The following FSHR variants were observed in gnomAD, a reference collection of about 807,000 sequenced individuals.
FSHR encodes the protein follicle stimulating hormone receptor, also known as follicle-stimulating hormone receptor.
Under a neutral mutation model 52.1 loss-of-function variants are expected in FSHR, and 46 were observed. The ratio of observed to expected loss-of-function variants is 0.88; its 90% CI spans 0.70 to 1.13. The LOEUF is 1.13. FSHR is among the 50% of genes most tolerant of loss of function. The pLI is 0.00. For synonymous variants in FSHR, 399 were observed against 309.6 expected (o/e 1.29, Z -3.03); for missense variants, 964 against 834.6 (o/e 1.16, Z -1.91).
intron 1 of FSHR, among the ~76,000 whole-genome samples, chr2:49,133,974 A>G (rs1672393897): frequency 6.6e-6 from 1 of 152,232 alleles, no homozygotes; most frequent in African/African-American, 2.4e-5. Context: ...CCTAGAAGGA[A>G]ACCTAGGCAA....
chr2:49,130,613 G>C (rs182947628), intron 1 of FSHR, among the ~76,000 whole-genome samples: 1 of 152,308 alleles, frequency 6.6e-6, no homozygotes, highest in Admixed American at 6.5e-5. Flanking sequence ...AACAGTTTCA[G>C]ACCTATGCTC....
Position 49,124,475 on chromosome 2 carries a change from C to A in FSHR, c.152+29791G>T, listed in dbSNP as rs114545686. Reference sequence around the variant, plus strand: ...TAAAGAGCTGTCTTTCCTAGTTTTACGCCTATCTCATGATCTTCATCCTCC... The same window carrying A: ...TAAAGAGCTGTCTTTCCTAGTTTTAAGCCTATCTCATGATCTTCATCCTCC... On this transcript the variant is annotated intron_variant, in intron 1 of 9. Coordinates refer to ENST00000406846, the MANE Select transcript of FSHR (RefSeq NM_000145.4). Among the ~76,000 whole-genome samples the A allele has an allele frequency of 1.6e-3, 237 of 152,144 alleles. 1 individual carries two copies. Among genetic ancestry groups the A allele is most frequent in the African/African-American group, 5.5e-3 (227 of 41,514 alleles).
chr2:49,079,025 A>G (rs72822018), intron 1 of FSHR, among the ~76,000 whole-genome samples: 8,020 of 152,242 alleles, frequency 0.053, 491 homozygotes, highest in East Asian at 0.22. Flanking sequence ...TAACCAGTCT[A>G]CGACATCACT....
intron 2 of FSHR, among the ~76,000 whole-genome samples, chr2:49,038,616 CT>C (rs1432642398): frequency 2.8e-5 from 3 of 108,756 alleles, no homozygotes; most frequent in South Asian, 3.1e-4. Flanking sequence ...CAGAGCAAGA[CT>C]CTGTCTCAAA....
At chr2:49,087,120 A>T in intron 1 of FSHR, among the ~76,000 whole-genome samples, 1 of 116,978 alleles carries the variant, frequency 8.5e-6, no homozygotes, top group African/African-American at 3.4e-5. Context: ...TCTATCCCAT[A>T]TCTCTCTCCT....
chr2:49,048,392 G>C (rs911991214), intron 2 of FSHR, among the ~76,000 whole-genome samples: 1 of 152,168 alleles, frequency 6.6e-6, no homozygotes, highest in Non-Finnish European at 1.5e-5. Flanking sequence ...TATCATTCCA[G>C]TGTGCCTAAC....
At chr2:49,148,143 C>T (rs116961554) in intron 1 of FSHR, among the ~76,000 whole-genome samples, 13 of 151,994 alleles carry the variant, frequency 8.6e-5, no homozygotes, top group East Asian at 3.9e-4. Context: ...TTCCTCTTTT[C>T]GATATTTTTG....
chr2:49,042,212 G>A (rs536807227), intron 2 of FSHR, among the ~76,000 whole-genome samples: 49 of 152,300 alleles, frequency 3.2e-4, no homozygotes, highest in Non-Finnish European at 5.3e-4. Flanking sequence ...GTCCAGAGAT[G>A]CTTTTGAAAA....
intron 1 of FSHR, among the ~76,000 whole-genome samples, chr2:49,112,452 T>G (rs1671456090): frequency 6.6e-6 from 1 of 152,198 alleles, no homozygotes; most frequent in Non-Finnish European, 1.5e-5. Flanking sequence ...TTTAACCATT[T>G]ACTGATAATT....
intron 2 of FSHR, among the ~76,000 whole-genome samples, chr2:49,045,557 AG>A (rs1668626901): frequency 1.3e-5 from 2 of 151,586 alleles, no homozygotes; most frequent in Non-Finnish European, 2.9e-5. Context: ...AGACAGAGGT[AG>A]GCAAAAACAA....
chr2:49,021,231 G>A (rs976186568), intron 2 of FSHR, among the ~76,000 whole-genome samples: 7 of 152,180 alleles, frequency 4.6e-5, no homozygotes, highest in Non-Finnish European at 1.0e-4. Flanking sequence ...AGATTCCTCA[G>A]GTCTCAGCGT....
At chr2:49,018,154 C>T (rs1330871484) in intron 3 of FSHR, among the ~76,000 whole-genome samples, 2 of 152,134 alleles carry the variant, frequency 1.3e-5, no homozygotes, top group African/African-American at 4.8e-5. Flanking sequence ...GCATGAAATC[C>T]AAGCATACAG....
chr2:49,129,535 C>T (rs988154763), intron 1 of FSHR, among the ~76,000 whole-genome samples: 1 of 152,124 alleles, frequency 6.6e-6, no homozygotes, highest in Non-Finnish European at 1.5e-5. Context: ...AGCAGCAGAT[C>T]CAGAGACAGA....
chr2:49,046,560 C>A (rs1014532958), intron 2 of FSHR, among the ~76,000 whole-genome samples: 1 of 152,118 alleles, frequency 6.6e-6, no homozygotes, highest in African/African-American at 2.4e-5. Context: ...CAGTTTCTGG[C>A]AAAATAATCA....
intron 2 of FSHR, among the ~76,000 whole-genome samples, chr2:49,041,454 G>C (rs1341827388): frequency 6.6e-6 from 1 of 152,178 alleles, no homozygotes; most frequent in Non-Finnish European, 1.5e-5. Context: ...AATGGAAATT[G>C]TAATTAGGAT....
At chr2:49,003,868 C>T (rs561719944) in intron 4 of FSHR, among the ~76,000 whole-genome samples, 2 of 151,962 alleles carry the variant, frequency 1.3e-5, no homozygotes, top group East Asian at 3.9e-4. Flanking sequence ...TGCCCACTGC[C>T]CTGCCCTGCC....
At chr2:49,092,148 AT>A (rs1375956186) in intron 1 of FSHR, among the ~76,000 whole-genome samples, 1 of 152,184 alleles carries the variant, frequency 6.6e-6, no homozygotes, top group African/African-American at 2.4e-5. Context: ...GTGATGTTAG[AT>A]TTTATTTTTG....
chr2:49,130,154 G>C (rs1003982750), intron 1 of FSHR, among the ~76,000 whole-genome samples: 1 of 152,170 alleles, frequency 6.6e-6, no homozygotes, highest in Non-Finnish European at 1.5e-5. Context: ...AGCTTTTTCT[G>C]AGAAAGAGGA....
chr2:49,103,603 G>A (rs756512548), intron 1 of FSHR, among the ~76,000 whole-genome samples: 8 of 152,080 alleles, frequency 5.3e-5, no homozygotes, highest in African/African-American at 1.7e-4. Context: ...CTACAGAACC[G>A]ATGGCCTGCC....
Sources: gnomAD v4.1 joint callset for allele counts (sites outside exome capture counted in the v4.1 genomes callset) on GRCh38, gnomAD v4.1.1 for gene constraint, MANE v1.5 for transcripts, NCBI Gene and HGNC (gene_info 2026-07-23, HGNC 2026-07-21) for gene names.